Variants in FAT3 observed in about 807,000 individuals in gnomAD.
The protein encoded by FAT3 is protocadherin Fat 3.
FAT3 carries 95 observed loss-of-function variants against 310.2 expected under a neutral mutation model. That is an observed-to-expected ratio of 0.31 (90% CI 0.26 to 0.36). The LOEUF is 0.36. Ranked by LOEUF, FAT3 falls within the 10% of genes least tolerant of loss-of-function variation. The pLI is 1.00. For synonymous variants in FAT3, 2,314 were observed against 2,192.9 expected, an observed-to-expected ratio of 1.06 and a Z score of -1.54; for missense variants, 5,408 against 5,715.6, an observed-to-expected ratio of 0.95 and a Z score of 1.74.
intron 2 of FAT3, among the ~76,000 whole-genome samples, chr11:92,489,989 C>T (rs954593882): frequency 6.6e-6 from 1 of 151,532 alleles, no homozygotes; most frequent in African/African-American, 2.4e-5. Context: ...TACCCCATTT[C>T]ATTAACCTTT....
intron 2 of FAT3, among the ~76,000 whole-genome samples, chr11:92,453,949 A>G (rs1843969885): frequency 6.6e-6 from 1 of 152,126 alleles, no homozygotes; most frequent in African/African-American, 2.4e-5. Flanking sequence ...ACTGAAACAC[A>G]TTTAGATATA....
chr11:92,616,129 T>G (rs1178666764), intron 3 of FAT3, among the ~76,000 whole-genome samples: 2 of 152,220 alleles, frequency 1.3e-5, no homozygotes, highest in Non-Finnish European at 2.9e-5. Flanking sequence ...TTTGTAGGTC[T>G]CTAAAGACTT....
chr11:92,512,175 T>G (rs2135313625), intron 2 of FAT3, among the ~76,000 whole-genome samples: 1 of 152,300 alleles, frequency 6.6e-6, no homozygotes, highest in South Asian at 2.1e-4. Context: ...ATGTTATATA[T>G]CTTAATATGT....
intron 3 of FAT3, among the ~76,000 whole-genome samples, chr11:92,553,424 G>C (rs901746965): frequency 6.6e-6 from 1 of 152,212 alleles, no homozygotes; most frequent in Non-Finnish European, 1.5e-5. Context: ...AGAGCTTAGA[G>C]TTTGGAGGGC....
intron 3 of FAT3, among the ~76,000 whole-genome samples, chr11:92,690,792 G>T (rs1943777122): frequency 6.6e-6 from 1 of 152,086 alleles, no homozygotes; most frequent in Non-Finnish European, 1.5e-5. Context: ...ATACTGCAGG[G>T]AATATTTTAA....
At chr11:92,604,329 A>G (rs1940172862) in intron 3 of FAT3, among the ~76,000 whole-genome samples, 1 of 152,224 alleles carries the variant, frequency 6.6e-6, no homozygotes, top group Non-Finnish European at 1.5e-5. Context: ...GGAATATGGA[A>G]TAACCTTATA....
At chr11:92,754,627 C>CAAAAA (rs71064722) in intron 4 of FAT3, among the ~76,000 whole-genome samples, 9 of 32,714 alleles carry the variant, frequency 2.8e-4, no homozygotes, top group African/African-American at 1.8e-3. Context: ...GACTCTGCCT[C>CAAAAA]AAAAAAAAAA....
rs1217061569 is a variant in FAT3, at chr11:92,812,628, T to C, written c.9481+2552T>C. Among the ~76,000 whole-genome samples the C allele has an allele frequency of 4.0e-5, 6 of 151,864 alleles. No homozygotes were observed. In the East Asian group the frequency reaches 7.7e-4, roughly 20 times the overall value. Reference sequence around the variant, plus strand: ...AAACAAGGAAAGAAAAAAAAACTTATAATAGCTGTTAATATTTAAAAGTCA... The same window carrying C: ...AAACAAGGAAAGAAAAAAAAACTTACAATAGCTGTTAATATTTAAAAGTCA... On this transcript the variant is annotated intron_variant, in intron 13 of 27. Coordinates refer to ENST00000525166, the MANE Select transcript of FAT3 (RefSeq NM_001367949.2).
At chr11:92,726,354 G>A (rs1944998113) in intron 4 of FAT3, among the ~76,000 whole-genome samples, 1 of 152,108 alleles carries the variant, frequency 6.6e-6, no homozygotes, top group African/African-American at 2.4e-5. Flanking sequence ...ATAGTCAACA[G>A]TTGCAATTTC....
At chr11:92,387,532 A>G (rs1949652906) in intron 2 of FAT3, among the ~76,000 whole-genome samples, 1 of 152,024 alleles carries the variant, frequency 6.6e-6, no homozygotes, top group African/African-American at 2.4e-5. Flanking sequence ...CCAACTCAAG[A>G]TATTAGGGAG....
At chr11:92,437,281 T>C (rs886231178) in intron 2 of FAT3, among the ~76,000 whole-genome samples, 1 of 152,192 alleles carries the variant, frequency 6.6e-6, no homozygotes, top group South Asian at 2.1e-4. Context: ...TGGTAGTAAT[T>C]TAACCCACCT....
At chr11:92,318,856 C>A (rs555961736) in intron 1 of FAT3, among the ~76,000 whole-genome samples, 2 of 152,270 alleles carry the variant, frequency 1.3e-5, no homozygotes, top group Non-Finnish European at 2.9e-5. Flanking sequence ...ATGGTACAGG[C>A]AGACCCTATG....
chr11:92,829,334 T>C (rs1443425505), intron 13 of FAT3, among the ~76,000 whole-genome samples: 1 of 152,200 alleles, frequency 6.6e-6, no homozygotes, highest in Non-Finnish European at 1.5e-5. Flanking sequence ...CAGCGTACCA[T>C]ATGCTGGAGG....
chr11:92,554,863 C>T (rs1389222929), intron 3 of FAT3, among the ~76,000 whole-genome samples: 1 of 152,202 alleles, frequency 6.6e-6, no homozygotes, highest in African/African-American at 2.4e-5. Context: ...GAAGCATCTT[C>T]TCTGCAGCTT....
At chr11:92,863,384 C>T (rs575961965) in intron 21 of FAT3, among the ~76,000 whole-genome samples, 1 of 152,274 alleles carries the variant, frequency 6.6e-6, no homozygotes, top group South Asian at 2.1e-4. Flanking sequence ...CCATAATTTA[C>T]ATTTTTTACT....
intron 2 of FAT3, among the ~76,000 whole-genome samples, chr11:92,396,211 C>T (rs545793055): frequency 7.9e-5 from 12 of 152,252 alleles, no homozygotes; most frequent in African/African-American, 2.6e-4. Context: ...CTTTAATGCT[C>T]AAAAACTTTC....
At chr11:92,270,706 A>AAATC (rs1946102005) in intron 1 of FAT3, among the ~76,000 whole-genome samples, 1 of 151,930 alleles carries the variant, frequency 6.6e-6, no homozygotes, top group Non-Finnish European at 1.5e-5. Context: ...ATAAATAAAT[A>AAATC]AATATTATAT....
At chr11:92,532,165 A>G (rs1045438413) in intron 3 of FAT3, among the ~76,000 whole-genome samples, 1 of 152,142 alleles carries the variant, frequency 6.6e-6, no homozygotes, top group African/African-American at 2.4e-5. Flanking sequence ...GTGTACATAT[A>G]TATGTACACA....
chr11:92,276,286 TG>T (rs1360688939), intron 1 of FAT3, among the ~76,000 whole-genome samples: 8 of 152,196 alleles, frequency 5.3e-5, no homozygotes, highest in African/African-American at 1.9e-4. Context: ...GAGCCAAAAG[TG>T]ACACTGAAAA....
Sources: allele counts gnomAD v4.1 joint callset (sites outside exome capture counted in the v4.1 genomes callset), GRCh38; gene constraint gnomAD v4.1.1; transcripts MANE v1.5; gene names NCBI Gene and HGNC (gene_info 2026-07-23, HGNC 2026-07-21).